NOSIP: variants seen among roughly 807,000 people sequenced by gnomAD.
NOSIP encodes the protein nitric oxide synthase interacting protein.
In NOSIP, 25 loss-of-function variants were observed where a neutral mutation model predicts 36.4. The observed-to-expected ratio is 0.69, with a 90% CI of 0.50 to 0.96. The LOEUF (loss-of-function observed/expected upper bound fraction) is 0.96. NOSIP is among the 40% of genes least tolerant of loss of function. The pLI, the probability that NOSIP is intolerant of heterozygous loss-of-function variation, is 0.00. For missense variants in NOSIP, 370 were observed against 429.0 expected (o/e 0.86, Z 1.21); for synonymous variants, 187 against 179.2 (o/e 1.04, Z -0.35).
intron 1 of NOSIP, among the ~76,000 whole-genome samples, chr19:49,566,511 G>C (rs10402160): frequency 0.061 from 9,205 of 151,820 alleles, 284 homozygotes; most frequent in South Asian, 0.12. Flanking sequence ...ATGTTGTCCA[G>C]GTTGGTCTTG....
At chr19:49,570,566 CT>C (rs1265492782) in intron 1 of NOSIP, among the ~76,000 whole-genome samples, 1 of 152,128 alleles carries the variant, frequency 6.6e-6, no homozygotes, top group African/African-American at 2.4e-5. Context: ...AATGTGCCCC[CT>C]GAGGCAGCCA....
Position 49,555,710 on chromosome 19 carries a change from G to C in NOSIP, c.*41C>G, listed in dbSNP as rs375041684. 77 of 1,575,916 alleles carry C rather than the reference G, an allele frequency of 4.9e-5. No homozygotes were observed. Among genetic ancestry groups the C allele is most frequent in the Non-Finnish European group, 6.5e-5 (75 of 1,147,026 alleles). ...ACGCCGCGAATGAAGGCGCCACGTC[G>C]TTGCGCACCCAAGCCGGTTTATTTG... On this transcript the variant is annotated 3_prime_UTR_variant, in exon 9 of 9. Coordinates refer to ENST00000596358, the MANE Select transcript of NOSIP (RefSeq NM_001270960.2).
chr19:49,568,180 C>T (rs780935407), intron 1 of NOSIP, among the ~76,000 whole-genome samples: 12 of 152,128 alleles, frequency 7.9e-5, no homozygotes, highest in African/African-American at 2.2e-4. Flanking sequence ...CAGTTTCACA[C>T]GGGCTAGGTG....
At chr19:49,559,176 A>G (rs778917118) in intron 3 of NOSIP, 198 bp from the exon 4 acceptor site, 69 of 590,744 alleles carry the variant, frequency 1.2e-4, no homozygotes, top group Non-Finnish European at 1.7e-4. Flanking sequence ...AAAATCAGCA[A>G]AGGAAAAAGG....
At chr19:49,570,848 C>G (rs2080474649) in intron 1 of NOSIP, among the ~76,000 whole-genome samples, 1 of 152,172 alleles carries the variant, frequency 6.6e-6, no homozygotes, top group Non-Finnish European at 1.5e-5. Context: ...CTCTGGGCAC[C>G]TCGGCTTTCC....
Position 49,555,644 on chromosome 19 carries a change from C to T in NOSIP, c.*107G>A. ...GCGTGCGCTGTAGGAGCACTGTTTG[C>T]ACGGCCCTGCATCCTCGCCTGCCCT... On this transcript the variant is annotated 3_prime_UTR_variant, in exon 9 of 9. Coordinates refer to ENST00000596358, the MANE Select transcript of NOSIP (RefSeq NM_001270960.2). 2 of 865,182 alleles carry T rather than the reference C, an allele frequency of 2.3e-6. No homozygotes were observed. Among genetic ancestry groups the T allele is most frequent in the South Asian group, 3.0e-5 (2 of 66,846 alleles). The allele number at this position is 865,182 out of a possible 1,614,324, so 53.6% of individuals were successfully genotyped here.
chr19:49,566,971 A>G (rs1444799941), intron 1 of NOSIP, among the ~76,000 whole-genome samples: 1 of 151,150 alleles, frequency 6.6e-6, no homozygotes, highest in Non-Finnish European at 1.5e-5. Context: ...GCGCACCACC[A>G]TGCCCAGCTA....
intron 1 of NOSIP, among the ~76,000 whole-genome samples, chr19:49,575,187 C>CA (rs1254240111): frequency 6.6e-6 from 1 of 152,036 alleles, no homozygotes; most frequent in East Asian, 1.9e-4. Context: ...TTAGTAGAGA[C>CA]AGAGTTTCAC....
In NOSIP at chr19:49,556,390, A is replaced by G; in HGVS notation, c.761T>C (p.Leu254Pro). The G allele has an allele frequency of 6.2e-7, 1 of 1,613,792 alleles. No individual in the cohort carries two copies. The highest frequency in any genetic ancestry group is 1.6e-4 in the Middle Eastern group (1 of 6,062). Residue 254 changes from leucine to proline, a missense_variant, in exon 8 of 9, where the codon CTG becomes CCG. Physicochemically the swap from Leu to Pro is moderately conservative, Grantham distance 98. Around this residue, in one of 3 missense-constraint regions of NOSIP, gnomAD observed 315 missense variants for 331.9 expected, o/e 0.95. Coordinates refer to ENST00000596358, the MANE Select transcript of NOSIP (RefSeq NM_001270960.2). ...AGGGTCCACCATGTCCTTCCGAATC[A>G]GCTTCTCCACGCATTCGAGGGTGAC... Reference protein sequence around the residue: ...AVVTLECVEKLIRKDMVDPVT... With the variant: ...AVVTLECVEKPIRKDMVDPVT...
intron 1 of NOSIP, among the ~76,000 whole-genome samples, chr19:49,569,360 A>T (rs1216937823): frequency 2.0e-5 from 3 of 147,398 alleles, no homozygotes; most frequent in Non-Finnish European, 3.0e-5. Context: ...CACCCAGCTA[A>T]TTTTTTTTAT....
intron 8 of NOSIP, among the ~76,000 whole-genome samples, chr19:49,556,084 G>A (rs1284642957): frequency 7.2e-6 from 1 of 139,296 alleles, no homozygotes; most frequent in East Asian, 2.1e-4. Context: ...GCTGGAGGCA[G>A]GGAAGGGGCG....
chr19:49,576,164 A>G (rs1226876113), intron 1 of NOSIP, among the ~76,000 whole-genome samples: 1 of 152,022 alleles, frequency 6.6e-6, no homozygotes, highest in East Asian at 1.9e-4. Flanking sequence ...AACCATTTTT[A>G]GTTTGCAGGC....
chr19:49,556,855 G>C lies in NOSIP; in HGVS notation c.537+20C>G, dbSNP rs755552712. On this transcript the variant is annotated intron_variant, in intron 6 of 8. Coordinates refer to ENST00000596358, the MANE Select transcript of NOSIP (RefSeq NM_001270960.2). ...CTGGCGCCCTGGCACCGTGCGTGCCGGGGCGCTGTGGGGGCTCACCGGCTT... is the reference window on the plus strand; with the variant it reads ...CTGGCGCCCTGGCACCGTGCGTGCCCGGGCGCTGTGGGGGCTCACCGGCTT... 7 of 1,600,174 alleles carry C rather than the reference G, an allele frequency of 4.4e-6. No individual in the cohort carries two copies. Among genetic ancestry groups the C allele is most frequent in the Non-Finnish European group, 6.0e-6 (7 of 1,168,008 alleles).
intron 1 of NOSIP, among the ~76,000 whole-genome samples, chr19:49,564,154 C>T (rs561506895): frequency 6.6e-6 from 1 of 152,184 alleles, no homozygotes; most frequent in South Asian, 2.1e-4. Flanking sequence ...GGGAAACGCA[C>T]ATTAAAACTT....
intron 1 of NOSIP, among the ~76,000 whole-genome samples, chr19:49,570,014 C>A (rs1008809577): frequency 5.3e-5 from 8 of 151,998 alleles, no homozygotes; most frequent in African/African-American, 1.7e-4. Flanking sequence ...GAGGCTGAGG[C>A]ACAAGAATCG....
chr19:49,572,406 CTTTTTTTTTTTTT>C (rs35209614), intron 1 of NOSIP, among the ~76,000 whole-genome samples: 1 of 97,932 alleles, frequency 1.0e-5, no homozygotes, highest in Non-Finnish European at 1.9e-5. Flanking sequence ...TGCACCCAGC[CTTTTTTTTTTTTT>C]TTTTTTTTTG....
At position 49,559,977 on chromosome 19, in the gene NOSIP, A is replaced by G; in HGVS notation, c.133T>C (p.Cys45Arg). 6.2e-7 allele frequency: 1 copy of G among 1,613,982 alleles called. No individual in the cohort carries two copies. The highest frequency in any genetic ancestry group is 8.5e-7 in the Non-Finnish European group (1 of 1,179,924). Residue 45 changes from cysteine (C) to arginine (R), a missense_variant, in exon 3 of 9, where the codon TGC becomes CGC. Coordinates refer to ENST00000596358, the MANE Select transcript of NOSIP (RefSeq NM_001270960.2). ...LSRDAVKDFD[C>R]CCLSLQPCHD... ...CAAGGCTGCAGGGAGAGACAACAGC[A>G]GTCGAAGTCCTTCACGGCATCCCGG...
chr19:49,575,089 T>G (rs1346928062), intron 1 of NOSIP, among the ~76,000 whole-genome samples: 1 of 152,034 alleles, frequency 6.6e-6, no homozygotes, highest in East Asian at 1.9e-4. Flanking sequence ...GGTCTCTATC[T>G]CCTGACTTCG....
In NOSIP at chr19:49,567,097, T is replaced by C. The variant is rs112390792; in HGVS notation, c.-1-6405A>G. ...TCCCAAAGTGCTGGGATTATAGGCATGAGCCACCGTGCCCAGCCAAAAAAC... is the reference window on the plus strand; with the variant it reads ...TCCCAAAGTGCTGGGATTATAGGCACGAGCCACCGTGCCCAGCCAAAAAAC... On this transcript the variant is annotated intron_variant, in intron 1 of 8. Coordinates refer to ENST00000596358, the MANE Select transcript of NOSIP (RefSeq NM_001270960.2). Among the ~76,000 whole-genome samples, 189 of 148,926 alleles carry C rather than the reference T, an allele frequency of 1.3e-3. 1 individual carries two copies. Among genetic ancestry groups the C allele is most frequent in the African/African-American group, 4.3e-3 (173 of 40,348 alleles).
Sources: gnomAD v4.1 joint callset for allele counts (sites outside exome capture counted in the v4.1 genomes callset) on GRCh38, gnomAD v4.1.1 for gene constraint, gnomAD v4.1.1 regional missense constraint, MANE v1.5 for transcripts, NCBI Gene and HGNC (gene_info 2026-07-23, HGNC 2026-07-21) for gene names.